Variants in SH3GL3 observed in about 807,000 individuals in gnomAD.
The protein encoded by SH3GL3 is endophilin-A3.
In SH3GL3, 33 loss-of-function variants were observed where a neutral mutation model predicts 47.7. The observed-to-expected ratio is 0.69, with a 90% confidence interval of 0.52 to 0.92. SH3GL3 has a LOEUF of 0.92. Ranked by LOEUF, SH3GL3 falls within the 40% of genes least tolerant of loss-of-function variation. SH3GL3 has a pLI of 0.00. For synonymous variants in SH3GL3, 155 were observed against 148.8 expected (o/e 1.04, Z -0.30); for missense variants, 363 against 417.8 (o/e 0.87, Z 1.14).
At chr15:83,474,976 A>G (rs995226638) in intron 1 of SH3GL3, among the ~76,000 whole-genome samples, 3 of 151,922 alleles carry the variant, frequency 2.0e-5, no homozygotes, top group African/African-American at 7.3e-5. Flanking sequence ...CTTTGCTTGT[A>G]GTGACCTATT....
the SH3GL3 span, among the ~76,000 whole-genome samples, chr15:83,628,469 G>C: frequency 6.6e-6 from 1 of 152,206 alleles, no homozygotes; most frequent in African/African-American, 2.4e-5. Flanking sequence ...TGGGCTGAGC[G>C]TGGTGGCTCA....
chr15:83,609,208 C>T, intron 8 of SH3GL3: 2 of 454,196 alleles, frequency 4.4e-6, no homozygotes, highest in South Asian at 1.6e-5. Context: ...GGACTCGGTA[C>T]AGAGTAGGAG....
At chr15:83,513,738 T>C (rs2042869327) in intron 1 of SH3GL3, among the ~76,000 whole-genome samples, 1 of 152,132 alleles carries the variant, frequency 6.6e-6, no homozygotes. Flanking sequence ...TGGTAGGTGC[T>C]CAATAAATCT....
intron 3 of SH3GL3, among the ~76,000 whole-genome samples, chr15:83,567,890 C>G (rs1015973496): frequency 6.6e-6 from 1 of 152,028 alleles, no homozygotes; most frequent in African/African-American, 2.4e-5. Flanking sequence ...AAGGGTCTCA[C>G]TCGAGGGGTG....
intron 2 of SH3GL3, 23 bp downstream of exon 2, chr15:83,559,344 A>G (rs760308222): frequency 1.4e-5 from 18 of 1,278,808 alleles, no homozygotes; most frequent in Admixed American, 1.4e-4. Flanking sequence ...TAATATGTAA[A>G]TTGATTAGAA....
chr15:83,595,089 G>T (rs780111247), intron 8 of SH3GL3, among the ~76,000 whole-genome samples: 1 of 152,152 alleles, frequency 6.6e-6, no homozygotes. Context: ...TAGCAAAGGC[G>T]TGGAATCAAA....
At chr15:83,491,537 A>G (rs1207208554) in intron 1 of SH3GL3, among the ~76,000 whole-genome samples, 1 of 152,202 alleles carries the variant, frequency 6.6e-6, no homozygotes, top group Non-Finnish European at 1.5e-5. Flanking sequence ...GCTAAAGTGT[A>G]AATAGATTCA....
intron 1 of SH3GL3, among the ~76,000 whole-genome samples, chr15:83,492,112 G>A (rs1445130246): frequency 3.3e-5 from 5 of 151,802 alleles, no homozygotes; most frequent in Admixed American, 2.6e-4. Flanking sequence ...GTGAAACCCC[G>A]TCTCTACTAA....
intron 4 of SH3GL3, among the ~76,000 whole-genome samples, chr15:83,572,249 T>G (rs931106317): frequency 6.6e-6 from 1 of 152,256 alleles, no homozygotes; most frequent in Non-Finnish European, 1.5e-5. Context: ...GAACCCTCCG[T>G]GCCAGTTTCC....
At chr15:83,557,333 A>C (rs894375404) in intron 1 of SH3GL3, among the ~76,000 whole-genome samples, 1 of 152,242 alleles carries the variant, frequency 6.6e-6, no homozygotes, top group Admixed American at 6.5e-5. Context: ...CTGTTAAAAC[A>C]CTGCTTGGTG....
chr15:83,510,616 A>G (rs1036412578), intron 1 of SH3GL3, among the ~76,000 whole-genome samples: 3 of 152,190 alleles, frequency 2.0e-5, no homozygotes, highest in South Asian at 2.1e-4. Context: ...TAAAAATACA[A>G]TGTAAATAAC....
Position 83,563,824 on chromosome 15 carries a change from G to A in SH3GL3, c.115-1310G>A, listed in dbSNP as rs868426881. Among the ~76,000 whole-genome samples, 3 of 152,180 alleles carry A rather than the reference G, an allele frequency of 2.0e-5. No homozygotes were observed. The South Asian group carries it at 6.2e-4, about 32-fold the overall frequency. ...CGGCTAATTTTTGCATTTTTGTAGA[G>A]ATAGGATTTCACCATATTGGCCAGC... On this transcript the variant is annotated intron_variant, in intron 2 of 8. Transcript: ENST00000427482.
chr15:83,482,841 T>C (rs1596072199), intron 1 of SH3GL3, among the ~76,000 whole-genome samples: 1 of 152,262 alleles, frequency 6.6e-6, no homozygotes, highest in East Asian at 1.9e-4. Flanking sequence ...TTTCTAAGTC[T>C]CTCATTTGGT....
At chr15:83,571,389 A>G in intron 4 of SH3GL3, among the ~76,000 whole-genome samples, 1 of 152,180 alleles carries the variant, frequency 6.6e-6, no homozygotes, top group East Asian at 1.9e-4. Context: ...GAAAGAGTCC[A>G]CAGGCTAGGA....
rs1393964694 is a variant in SH3GL3 at position 83,602,424 on chromosome 15, G to C, written c.838+13653G>C. Among the ~76,000 whole-genome samples, 3 of 152,266 alleles carry C rather than the reference G, an allele frequency of 2.0e-5. No individual in the cohort carries two copies. In the East Asian group the frequency reaches 5.8e-4, roughly 29 times the overall value. On this transcript the variant is annotated intron_variant, in intron 8 of 8. Transcript: ENST00000427482. ...GCCAGCAGAACTGGTGCCTGGTAGAGGCCATTCCTCATAGATGACACCTTC... is the reference window on the plus strand; with the variant it reads ...GCCAGCAGAACTGGTGCCTGGTAGACGCCATTCCTCATAGATGACACCTTC...
chr15:83,585,452 G>A (rs988264014), intron 6 of SH3GL3, among the ~76,000 whole-genome samples: 1 of 152,060 alleles, frequency 6.6e-6, no homozygotes, highest in Non-Finnish European at 1.5e-5. Flanking sequence ...TTTTAAAGTG[G>A]GTAATAAGAC....
intron 1 of SH3GL3, among the ~76,000 whole-genome samples, chr15:83,468,051 C>G (rs1052721652): frequency 6.6e-6 from 1 of 152,228 alleles, no homozygotes; most frequent in East Asian, 1.9e-4. Context: ...AGGATGGTCT[C>G]GATCTCCTGA....
chr15:83,501,164 G>A (rs148651849), intron 1 of SH3GL3, among the ~76,000 whole-genome samples: 2 of 152,252 alleles, frequency 1.3e-5, no homozygotes, highest in African/African-American at 4.8e-5. Context: ...ATTCTTTGAA[G>A]GCCAACAGCT....
At chr15:83,523,622 T>C (rs72760330) in intron 1 of SH3GL3, among the ~76,000 whole-genome samples, 1,542 of 152,330 alleles carry the variant, frequency 0.01, 20 homozygotes, top group Non-Finnish European at 0.016. Context: ...GGAGCTTTTC[T>C]GAAATCATGG....
Sources: gnomAD v4.1 joint callset for allele counts (sites outside exome capture counted in the v4.1 genomes callset) on GRCh38, gnomAD v4.1.1 for gene constraint, MANE v1.5 for transcripts, NCBI Gene and HGNC (gene_info 2026-07-23, HGNC 2026-07-21) for gene names.